DET1: variants seen among roughly 807,000 people sequenced by gnomAD.
The protein encoded by DET1 is DET1 partner of COP1 E3 ubiquitin ligase.
DET1 carries 22 observed loss-of-function variants against 43.7 expected under a neutral mutation model. The observed-to-expected ratio is 0.50, with a 90% confidence interval of 0.36 to 0.72. The LOEUF is 0.72. Among genes scored for constraint, DET1 ranks in the 30% least tolerant of loss-of-function variants. The pLI, the probability that DET1 is intolerant of heterozygous loss-of-function variation, is 0.00. For missense variants in DET1, 713 were observed against 713.3 expected, an observed-to-expected ratio of 1.00 and a Z score of 0.00; for synonymous variants, 315 against 266.2, an observed-to-expected ratio of 1.18 and a Z score of -1.79.
downstream of DET1, among the ~76,000 whole-genome samples, chr15:88,510,044 G>A (rs2056180787): frequency 6.6e-6 from 1 of 152,230 alleles, no homozygotes. Context: ...ACTGCATGTG[G>A]GGTCTTTTAG....
downstream of DET1, chr15:88,511,323 G>C: frequency 1.2e-6 from 1 of 841,808 alleles, no homozygotes. Context: ...TAAAACCCTA[G>C]CAACCTGCAC....
At chr15:88,541,213 A>T (rs1173358910) in intron 1 of DET1, among the ~76,000 whole-genome samples, 3 of 146,574 alleles carry the variant, frequency 2.0e-5, no homozygotes, top group Non-Finnish European at 3.0e-5. Flanking sequence ...ATCTAAAAGC[A>T]CAGCACTTAA....
At chr15:88,512,360 C>A (rs1172755916), downstream of DET1, 3 of 985,372 alleles carry the variant, frequency 3.0e-6, no homozygotes, top group Non-Finnish European at 3.6e-6. Flanking sequence ...CCACTTAGTT[C>A]TCCCAGGAAC....
At chr15:88,538,063 G>T (rs2056998491) in intron 1 of DET1, among the ~76,000 whole-genome samples, 1 of 152,214 alleles carries the variant, frequency 6.6e-6, no homozygotes, top group Non-Finnish European at 1.5e-5. Context: ...GCCTAGCACT[G>T]GGACTGGCAC....
chr15:88,532,459 C>T (rs1891294666), intron 1 of DET1, among the ~76,000 whole-genome samples: 1 of 152,138 alleles, frequency 6.6e-6, no homozygotes, highest in South Asian at 2.1e-4. Flanking sequence ...ATAAAAAATT[C>T]ATCCTAAAAT....
Position 88,527,602 on chromosome 15 carries a change from C to T in DET1, c.1268G>A (p.Arg423His), listed in dbSNP as rs779405372. ...TGAGTCTGGTGGAACAGCTTACCGG[C>T]GCTGGATCTGCCTTGCAAAATTGTT... ...SSNNFARQIQ[R>H]RFKDTIINAK... The change falls in exon 3 of 5, where the codon CGC (arginine) becomes CAC (histidine). Residue 423 changes from arginine (R) to histidine (H), a missense_variant. Transcript: ENST00000268148. The T allele has an allele frequency of 6.1e-5, 97 of 1,598,526 alleles. 1 individual carries two copies. The highest frequency in any genetic ancestry group is 2.9e-4 in the South Asian group (26 of 89,156).
At chr15:88,529,278 T>G (rs1163494713) in intron 2 of DET1, among the ~76,000 whole-genome samples, 1 of 152,196 alleles carries the variant, frequency 6.6e-6, no homozygotes, top group South Asian at 2.1e-4. Flanking sequence ...CTATCAGGGT[T>G]TCACCAGAAT....
intron 3 of DET1, among the ~76,000 whole-genome samples, chr15:88,518,937 T>G (rs1036063625): frequency 2.6e-5 from 4 of 152,174 alleles, no homozygotes; most frequent in African/African-American, 9.7e-5. Flanking sequence ...TTTCACAGCC[T>G]CAGTATAAAT....
chr15:88,542,083 C>T (rs1331001213), intron 1 of DET1, among the ~76,000 whole-genome samples: 1 of 152,210 alleles, frequency 6.6e-6, no homozygotes, highest in East Asian at 1.9e-4. Context: ...TGAAAAGCCT[C>T]AGGCTTTGAC....
At chr15:88,540,215 T>C (rs1393716024) in intron 1 of DET1, among the ~76,000 whole-genome samples, 1 of 152,078 alleles carries the variant, frequency 6.6e-6, no homozygotes, top group Admixed American at 6.5e-5. Context: ...GTATTTAGGG[T>C]ACAGATCTAG....
In DET1 at chr15:88,544,322, C is replaced by T. The variant is rs1598354981; in HGVS notation, c.-11+2218G>A. Among the ~76,000 whole-genome samples the T allele has an allele frequency of 2.0e-5, 3 of 152,258 alleles. No homozygotes were observed. In the South Asian group the frequency reaches 6.2e-4, roughly 32 times the overall value. On this transcript the variant is annotated intron_variant, in intron 1 of 4. Transcript: ENST00000268148. The stretch of plus-strand genomic sequence containing the variant: ...AATTGGGTAAGTCTCCTTCCTTTAG[C>T]CCTACTTAGAGTAAGGTGCACCCTT...
At chr15:88,536,713 G>A (rs1040841777) in intron 1 of DET1, among the ~76,000 whole-genome samples, 68 of 137,128 alleles carry the variant, frequency 5.0e-4, no homozygotes, top group Middle Eastern at 4.2e-3. Context: ...AGAGGTTGCA[G>A]TGAGTCAAGA....
chr15:88,531,042 G>A lies in DET1; in HGVS notation c.664C>T (p.Leu222=). The A allele has an allele frequency of 6.8e-6, 11 of 1,613,744 alleles. No homozygotes were observed. Among genetic ancestry groups the A allele is most frequent in the Non-Finnish European group, 9.3e-6 (11 of 1,179,766 alleles). The change falls in exon 2 of 5, where the codon CTG becomes TTG. Residue 222 remains leucine (L), a synonymous_variant. Transcript: ENST00000268148. This position sits in a 1 kb window ranked among gnomAD's most constrained non-coding sequence, Gnocchi z 6.2. ...GCCAGGATGTTTTTGTACAAGTACA[G>A]CCCTTGGTTGTGTGACAAGACCACC... ...DKVVLSHNQG[L]YLYKNILAIL...
intron 4 of DET1, among the ~76,000 whole-genome samples, chr15:88,513,707 C>T (rs1429411700): frequency 6.7e-6 from 1 of 148,920 alleles, no homozygotes; most frequent in Non-Finnish European, 1.5e-5. Context: ...TTTAAGTACC[C>T]AATTGCCACA....
chr15:88,530,504 A>G (rs2056781276), intron 2 of DET1, 119 bp downstream of exon 2: 1 of 1,469,330 alleles, frequency 6.8e-7, no homozygotes, highest in Non-Finnish European at 9.0e-7. Flanking sequence ...GGGCCCTAGG[A>G]TATCAATTCA....
intron 3 of DET1, among the ~76,000 whole-genome samples, chr15:88,523,788 A>G (rs2142286200): frequency 6.6e-6 from 1 of 152,302 alleles, no homozygotes; most frequent in Admixed American, 6.5e-5. Context: ...TCCGCTCGCT[A>G]CAACCTCCAC....
intron 7 of DET1, among the ~76,000 whole-genome samples, chr15:88,507,130 G>T (rs1452841325): frequency 6.6e-6 from 1 of 152,174 alleles, no homozygotes; most frequent in African/African-American, 2.4e-5. Context: ...AGCTGTTGGA[G>T]TGCCCCAGTG....
chr15:88,510,432 G>A (rs2056185177), downstream of DET1, among the ~76,000 whole-genome samples: 1 of 152,142 alleles, frequency 6.6e-6, no homozygotes, highest in African/African-American at 2.4e-5. Flanking sequence ...AAACCACCTG[G>A]TTCAAAGAAA....
In DET1 at chr15:88,530,726, C is replaced by T. The variant is rs768762640; in HGVS notation, c.980G>A (p.Arg327Gln). Residue 327 changes from arginine to glutamine, a missense_variant, in exon 2 of 5, where the codon CGG becomes CAG. Coordinates refer to ENST00000268148, the MANE Select transcript of DET1 (RefSeq NM_001144074.3). ...CTGCATTTTCCACATTCGCAGCTGC[C>T]GCAGTTGGTCAAAATACTGGAAGAA... ...RRFFQYFDQL[R>Q]QLRMWKMQLL... 4.3e-6 allele frequency: 7 copies of T among 1,613,842 alleles called. No homozygotes were observed. The highest frequency in any genetic ancestry group is 1.6e-4 in the Middle Eastern group (1 of 6,084).
Sources: allele counts gnomAD v4.1 joint callset (sites outside exome capture counted in the v4.1 genomes callset), GRCh38; gene constraint gnomAD v4.1.1; non-coding constraint Gnocchi (gnomAD v3.1); transcripts MANE v1.5; gene names NCBI Gene and HGNC (gene_info 2026-07-23, HGNC 2026-07-21).